The following PCBP2 variants were observed in gnomAD, a reference collection of about 807,000 sequenced individuals.
The protein encoded by PCBP2 is poly(rC)-binding protein 2.
A neutral mutation model predicts 50.1 loss-of-function variants in PCBP2; 4 were observed. That is an observed-to-expected ratio of 0.08 (90% CI 0.04 to 0.18). The LOEUF (loss-of-function observed/expected upper bound fraction) is 0.18, where lower values mean the gene tolerates loss of function less well. Ranked by LOEUF, PCBP2 falls within the 10% of genes least tolerant of loss-of-function variation. PCBP2 has a pLI of 1.00. For missense variants in PCBP2, 161 were observed against 474.3 expected (o/e 0.34, Z 6.14); for synonymous variants, 179 against 168.0 (o/e 1.07, Z -0.51).
chr12:53,458,685 G>A (rs1440131139), intron 5 of PCBP2, among the ~76,000 whole-genome samples: 1 of 151,624 alleles, frequency 6.6e-6, no homozygotes, highest in Non-Finnish European at 1.5e-5. Flanking sequence ...TGTTGCCTAG[G>A]CTGGAGTGCA....
intron 7 of PCBP2, among the ~76,000 whole-genome samples, chr12:53,461,715 CGTGTGT>C (rs548706003): frequency 1.3e-5 from 2 of 150,636 alleles, no homozygotes; most frequent in South Asian, 2.1e-4. Flanking sequence ...CGAATTTTTT[CGTGTGT>C]GTGTGTGTGT....
Position 53,455,942 on chromosome 12 carries a change from G to T in PCBP2, c.184G>T (p.Ala62Ser), listed in dbSNP as rs761259956. 2 of 1,613,810 alleles carry T rather than the reference G, an allele frequency of 1.2e-6. No individual in the cohort carries two copies. Among genetic ancestry groups the T allele is most frequent in the African/African-American group, 2.7e-5 (2 of 74,886 alleles). Residue 62 changes from alanine to serine, a missense_variant, in exon 5 of 15, where the codon GCT (alanine) becomes TCT (serine). By Grantham distance (99) the Ala-to-Ser change is moderately conservative. Around this residue, in one of 7 missense-constraint regions of PCBP2, gnomAD observed 7 missense variants for 67.4 expected, o/e 0.10. Coordinates refer to ENST00000546463, the MANE Select transcript of PCBP2 (RefSeq NM_031989.5). ...GNCPERIITL[A>S]GPTNAIFKAF... ...TTGTCCTGAGAGAATTATCACTTTGGCTGGACCCACTAATGCCATCTTCAA... is the reference window on the plus strand; with the variant it reads ...TTGTCCTGAGAGAATTATCACTTTGTCTGGACCCACTAATGCCATCTTCAA...
chr12:53,468,337 C>T (rs1941962773), intron 12 of PCBP2: 1 of 204,838 alleles, frequency 4.9e-6, no homozygotes, highest in Admixed American at 5.4e-5. Context: ...TTTAAAGCAA[C>T]TCTGCATGTG....
Position 53,464,869 on chromosome 12 carries a change from A to G in PCBP2, c.672+17A>G. 6.3e-7 allele frequency: 1 copy of G among 1,591,798 alleles called. No homozygotes were observed. Among genetic ancestry groups the G allele is most frequent in the South Asian group, 1.1e-5 (1 of 87,110 alleles). On this transcript the variant is annotated intron_variant, in intron 9 of 14. Transcript: ENST00000546463. ...CCTCTAGAGGTGAGAGGGGATGTTCAGTCTCCAAGGCTCACTCAATCCTTC... is the reference window on the plus strand; with the variant it reads ...CCTCTAGAGGTGAGAGGGGATGTTCGGTCTCCAAGGCTCACTCAATCCTTC...
intron 13 of PCBP2, among the ~76,000 whole-genome samples, chr12:53,470,231 A>T (rs1439659566): frequency 6.6e-6 from 1 of 151,846 alleles, no homozygotes; most frequent in Non-Finnish European, 1.5e-5. Flanking sequence ...TACAAAAATT[A>T]GCCAGGTGTG....
At chr12:53,468,086 C>T (rs932846398) in intron 12 of PCBP2, 3 of 499,912 alleles carry the variant, frequency 6.0e-6, no homozygotes. Context: ...TGTTAGCCAG[C>T]TGGCCTGGTT....
chr12:53,472,111 A>G (rs1352901264), intron 14 of PCBP2, among the ~76,000 whole-genome samples: 1 of 152,110 alleles, frequency 6.6e-6, no homozygotes, highest in Admixed American at 6.5e-5. Flanking sequence ...TCACAAAATC[A>G]AATGTGGGTC....
Position 53,479,671 on chromosome 12 carries a change from G to GTTTTTTTTTTTGTTTGTT in PCBP2, c.*240_*241insGTTTGTTTTTTTTTTTTT. The GTTTTTTTTTTTGTTTGTT allele has an allele frequency of 1.5e-5, 3 of 202,218 alleles. No individual in the cohort carries two copies. The highest frequency in any genetic ancestry group is 2.8e-5 in the Non-Finnish European group (3 of 106,084). 12.5% of individuals were successfully genotyped at this position (202,218 alleles called of 1,614,324 possible). On this transcript the variant is annotated 3_prime_UTR_variant, in exon 15 of 15. Transcript: ENST00000546463. ...ATTTAGTTTTATAAGCTTCTCCCTG[G>GTTTTTTTTTTTGTTTGTT]TTTTTTTTTTTTGGCTCATGAATTT...
At chr12:53,459,741 A>AT in intron 6 of PCBP2, 1 of 292,746 alleles carries the variant, frequency 3.4e-6, no homozygotes, top group South Asian at 2.9e-5. Context: ...CGGTTTTTCT[A>AT]TTTTTTAATT....
intron 9 of PCBP2, among the ~76,000 whole-genome samples, chr12:53,465,590 A>G (rs1031929395): frequency 4.6e-5 from 7 of 152,210 alleles, no homozygotes; most frequent in African/African-American, 7.2e-5. Flanking sequence ...CTCCTAGGCT[A>G]TCTTGTATAC....
chr12:53,470,746 A>G (rs979499839), intron 13 of PCBP2, among the ~76,000 whole-genome samples: 8 of 142,228 alleles, frequency 5.6e-5, no homozygotes, highest in Non-Finnish European at 1.1e-4. Flanking sequence ...ATTAGTGCAA[A>G]TGTTAACCAG....
intron 13 of PCBP2, among the ~76,000 whole-genome samples, chr12:53,469,950 T>C (rs1388197714): frequency 2.0e-5 from 3 of 152,086 alleles, no homozygotes; most frequent in Non-Finnish European, 4.4e-5. Context: ...TTCTCCATGT[T>C]GGTCAGGCTG....
intron 7 of PCBP2, among the ~76,000 whole-genome samples, chr12:53,461,607 T>G (rs1025349197): frequency 5.9e-5 from 9 of 152,342 alleles, no homozygotes; most frequent in African/African-American, 2.2e-4. Context: ...AGGTCCTGAT[T>G]ATACACTATT....
intron 14 of PCBP2, 39 bp downstream of exon 14, chr12:53,471,846 C>T (rs1313883747): frequency 1.9e-6 from 3 of 1,575,236 alleles, no homozygotes; most frequent in Non-Finnish European, 8.7e-7. Context: ...TATGCCAACA[C>T]AGTAATGTGT....
intron 14 of PCBP2, chr12:53,475,434 A>G (rs1335802186): frequency 1.0e-5 from 3 of 300,644 alleles, no homozygotes; most frequent in South Asian, 5.7e-5. Context: ...TTCTTTATCT[A>G]GAGCCACAGT....
chr12:53,458,563 T>TC (rs1486087801), intron 5 of PCBP2, among the ~76,000 whole-genome samples: 1 of 152,194 alleles, frequency 6.6e-6, no homozygotes, highest in Non-Finnish European at 1.5e-5. Flanking sequence ...TGCCTCGGCC[T>TC]CCCAAAGTAC....
At chr12:53,459,717 T>G (rs1941304730) in intron 6 of PCBP2, 1 of 269,312 alleles carries the variant, frequency 3.7e-6, no homozygotes, top group South Asian at 3.4e-5. Flanking sequence ...GGGATGAGTT[T>G]GCTATAGTAG....
At chr12:53,467,192 A>G (rs754306214) in intron 10 of PCBP2, 29 bp from the exon 11 acceptor site, 2 of 1,586,166 alleles carry the variant, frequency 1.3e-6, no homozygotes, top group South Asian at 2.2e-5. Flanking sequence ...TAAATCTTCT[A>G]ATGCCAACCT....
At position 53,454,754 on chromosome 12, in the gene PCBP2, C is replaced by CA; in HGVS notation, c.-44dup. The CA allele has an allele frequency of 6.4e-7, 1 of 1,557,030 alleles. No homozygotes were observed. The highest frequency in any genetic ancestry group is 1.1e-5 in the South Asian group (1 of 89,802). On this transcript the variant is annotated 5_prime_UTR_variant, in exon 2 of 15. Coordinates refer to ENST00000546463, the MANE Select transcript of PCBP2 (RefSeq NM_031989.5). ...TTGGCTTTCACCCCCAACCAGTGAC[C>CA]AAAGACTTGACCACTCAAAGTCCAG...
Sources: gnomAD v4.1 joint callset for allele counts (sites outside exome capture counted in the v4.1 genomes callset) on GRCh38, gnomAD v4.1.1 for gene constraint, gnomAD v4.1.1 regional missense constraint, MANE v1.5 for transcripts, NCBI Gene and HGNC (gene_info 2026-07-23, HGNC 2026-07-21) for gene names.